Variants in PRKG1 observed in about 807,000 individuals in gnomAD.
PRKG1 encodes cGMP-dependent protein kinase 1.
PRKG1 carries 35 observed loss-of-function variants against 88.1 expected under a neutral mutation model. The observed-to-expected ratio is 0.40, with a 90% CI of 0.30 to 0.53. The LOEUF (loss-of-function observed/expected upper bound fraction) is 0.53, where lower values mean the gene tolerates loss of function less well. PRKG1 is among the 20% of genes least tolerant of loss of function. PRKG1 has a pLI of 0.59. For synonymous variants in PRKG1, 303 were observed against 292.5 expected (o/e 1.04, Z -0.37); for missense variants, 540 against 839.8 (o/e 0.64, Z 4.41).
At chr10:51,528,141 G>C (rs1477393239) in intron 3 of PRKG1, among the ~76,000 whole-genome samples, 2 of 152,144 alleles carry the variant, frequency 1.3e-5, no homozygotes, top group Non-Finnish European at 2.9e-5. Context: ...ATCATCTAGA[G>C]ATAAAAGAGT....
At chr10:52,280,024 T>C (rs1044243451) in intron 12 of PRKG1, among the ~76,000 whole-genome samples, 2 of 152,052 alleles carry the variant, frequency 1.3e-5, no homozygotes, top group Non-Finnish European at 2.9e-5. Context: ...AATCAACATA[T>C]ATATGCCCAT....
At chr10:51,114,437 C>CTGTG (rs58190244) in intron 1 of PRKG1, among the ~76,000 whole-genome samples, 51 of 150,270 alleles carry the variant, frequency 3.4e-4, no homozygotes, top group African/African-American at 1.1e-3. Flanking sequence ...ATGAGTGACT[C>CTGTG]TGTGTGTGTG....
chr10:51,417,006 C>T (rs1178101539), intron 2 of PRKG1, among the ~76,000 whole-genome samples: 1 of 152,114 alleles, frequency 6.6e-6, no homozygotes, highest in Non-Finnish European at 1.5e-5. Context: ...GAGAATCACC[C>T]CTGCATTGTT....
chr10:52,008,938 C>T (rs1467387389), intron 5 of PRKG1, among the ~76,000 whole-genome samples: 1 of 152,086 alleles, frequency 6.6e-6, no homozygotes, highest in Non-Finnish European at 1.5e-5. Flanking sequence ...ACATATTTAT[C>T]TCAATAAATG....
chr10:51,287,314 C>G (rs1840468029), intron 2 of PRKG1, among the ~76,000 whole-genome samples: 1 of 152,158 alleles, frequency 6.6e-6, no homozygotes, highest in African/African-American at 2.4e-5. Context: ...TGGCCCTCAG[C>G]CTGAGGTCCT....
chr10:51,138,764 C>T (rs1845754549), intron 1 of PRKG1, among the ~76,000 whole-genome samples: 1 of 136,560 alleles, frequency 7.3e-6, no homozygotes, highest in South Asian at 2.6e-4. Context: ...CTCACTGCAA[C>T]CTCTGCCTCC....
At position 52,027,427 on chromosome 10, in the gene PRKG1, G is replaced by C. The variant is rs1164889219; in HGVS notation, c.763-27057G>C. Among the ~76,000 whole-genome samples the C allele has an allele frequency of 3.9e-5, 6 of 152,170 alleles. No homozygotes were observed. The East Asian group carries it at 1.2e-3, about 29-fold the overall frequency. ...GTAAATGAATGTGTAGATAGCAGAT[G>C]TTGCTGCTTCAGAATCACTCACCAT... On this transcript the variant is annotated intron_variant, in intron 5 of 17. Coordinates refer to ENST00000373980, the MANE Select transcript of PRKG1 (RefSeq NM_006258.4).
At chr10:51,989,699 A>G (rs1056927341) in intron 5 of PRKG1, among the ~76,000 whole-genome samples, 1 of 152,180 alleles carries the variant, frequency 6.6e-6, no homozygotes, top group African/African-American at 2.4e-5. Context: ...TGTCATGAAC[A>G]TAGGAACAAT....
intron 1 of PRKG1, among the ~76,000 whole-genome samples, chr10:51,011,734 G>T (rs1050687216): frequency 6.6e-6 from 1 of 152,190 alleles, no homozygotes; most frequent in African/African-American, 2.4e-5. Flanking sequence ...TGCCATTCTT[G>T]CCTTACTCTG....
At chr10:52,252,667 C>T (rs964500558) in intron 10 of PRKG1, 1 of 152,012 alleles carries the variant, frequency 6.6e-6, no homozygotes. Flanking sequence ...CTGACTTGAA[C>T]AGGTAGAAAG....
At chr10:52,151,034 C>A (rs925170081) in intron 8 of PRKG1, among the ~76,000 whole-genome samples, 8 of 151,806 alleles carry the variant, frequency 5.3e-5, no homozygotes, top group African/African-American at 1.9e-4. Flanking sequence ...GCCAATTATA[C>A]GAATTTGTAA....
At chr10:51,871,759 A>C (rs1275289017) in intron 4 of PRKG1, among the ~76,000 whole-genome samples, 1 of 152,196 alleles carries the variant, frequency 6.6e-6, no homozygotes, top group African/African-American at 2.4e-5. Flanking sequence ...CACAGCATGT[A>C]GGTCCAACAC....
Position 52,166,797 on chromosome 10 carries a change from A to ATATATATATGTATATATATG in PRKG1, c.1076+4834_1076+4835insTATATATATGTATATATATG, listed in dbSNP as rs1564498359. Among the ~76,000 whole-genome samples the ATATATATATGTATATATATG allele has an allele frequency of 3.1e-4, 7 of 22,672 alleles. No homozygotes were observed. The East Asian group carries it at 0.017, about 54-fold the overall frequency. 14.9% of individuals were successfully genotyped at this position (22,672 alleles called of 152,430 possible). ...TTCAAATAAAAAAGCCTATATATAT[A>ATATATATATGTATATATATG]CATATATATATGTATATATATGTAT... On this transcript the variant is annotated intron_variant, in intron 9 of 17. Coordinates refer to ENST00000373980, the MANE Select transcript of PRKG1 (RefSeq NM_006258.4).
chr10:51,500,605 A>G (rs891606103), intron 3 of PRKG1, among the ~76,000 whole-genome samples: 3 of 152,166 alleles, frequency 2.0e-5, no homozygotes, highest in African/African-American at 7.2e-5. Context: ...TATTATATAG[A>G]GCCTGGTTAT....
At chr10:51,126,069 T>C (rs1845395470) in intron 1 of PRKG1, among the ~76,000 whole-genome samples, 1 of 121,082 alleles carries the variant, frequency 8.3e-6, no homozygotes, top group Non-Finnish European at 1.6e-5. Flanking sequence ...TATAATATAC[T>C]ACATATAATT....
intron 2 of PRKG1, among the ~76,000 whole-genome samples, chr10:51,172,548 G>A (rs1331542708): frequency 6.6e-6 from 1 of 151,756 alleles, no homozygotes; most frequent in Non-Finnish European, 1.5e-5. Flanking sequence ...TTGAAAATTG[G>A]CCCTGTCTTT....
At chr10:51,813,240 C>CA (rs1385736561) in intron 4 of PRKG1, among the ~76,000 whole-genome samples, 1 of 151,888 alleles carries the variant, frequency 6.6e-6, no homozygotes, top group Non-Finnish European at 1.5e-5. Flanking sequence ...AAGTCATTGG[C>CA]AAAAAAGCAT....
chr10:51,874,656 C>A (rs773182070), intron 4 of PRKG1, among the ~76,000 whole-genome samples: 2 of 152,174 alleles, frequency 1.3e-5, no homozygotes, highest in Non-Finnish European at 2.9e-5. Flanking sequence ...AAGATAATCA[C>A]AAGCTATAGC....
intron 1 of PRKG1, among the ~76,000 whole-genome samples, chr10:51,076,557 G>A (rs1374674258): frequency 6.6e-6 from 1 of 152,140 alleles, no homozygotes; most frequent in Non-Finnish European, 1.5e-5. Context: ...AGCAAACTCT[G>A]CTTTTACAAA....
Sources: gnomAD v4.1 joint callset for allele counts (sites outside exome capture counted in the v4.1 genomes callset) on GRCh38, gnomAD v4.1.1 for gene constraint, MANE v1.5 for transcripts, NCBI Gene and HGNC (gene_info 2026-07-23, HGNC 2026-07-21) for gene names.